The following ADTRP variants were observed in gnomAD, a reference collection of about 807,000 sequenced individuals.
ADTRP encodes androgen-dependent TFPI-regulating protein.
In ADTRP, 20 loss-of-function variants were observed where a neutral mutation model predicts 27.0. The ratio of observed to expected loss-of-function variants is 0.74; its 90% confidence interval spans 0.52 to 1.08. The LOEUF is 1.08. Among genes scored for constraint, ADTRP ranks in the 50% least tolerant of loss-of-function variants. ADTRP has a pLI of 0.00. For synonymous variants in ADTRP, 101 were observed against 105.2 expected (o/e 0.96, Z 0.25); for missense variants, 251 against 275.0 (o/e 0.91, Z 0.62).
intron 4 of ADTRP, among the ~76,000 whole-genome samples, chr6:11,732,461 T>C (rs567055248): frequency 3.0e-4 from 45 of 152,318 alleles, no homozygotes; most frequent in African/African-American, 1.0e-3. Flanking sequence ...TTCATGGCCA[T>C]CTGTGGCTGT....
intron 3 of ADTRP, among the ~76,000 whole-genome samples, chr6:11,743,004 C>A (rs1029287245): frequency 1.3e-5 from 2 of 152,120 alleles, no homozygotes; most frequent in Admixed American, 6.5e-5. Context: ...AATGTTGAAC[C>A]CTTTTATTGC....
At chr6:11,755,139 A>T in intron 3 of ADTRP, 1 of 893,568 alleles carries the variant, frequency 1.1e-6, no homozygotes, top group Non-Finnish European at 1.3e-6. Context: ...GGGACTCACC[A>T]GCAAGCCCTC....
At chr6:11,737,618 A>G (rs760790) in intron 3 of ADTRP, among the ~76,000 whole-genome samples, 10,463 of 152,184 alleles carry the variant, frequency 0.069, 433 homozygotes, top group Middle Eastern at 0.13. Context: ...GCAGGGTGAG[A>G]AGGACCAAGC....
intron 3 of ADTRP, among the ~76,000 whole-genome samples, chr6:11,752,782 G>C (rs1047111772): frequency 2.0e-5 from 3 of 152,150 alleles, no homozygotes; most frequent in Non-Finnish European, 2.9e-5. Flanking sequence ...GCCTCTCATT[G>C]GCTGACTGTT....
At chr6:11,778,000 G>C (rs1764013570) in intron 1 of ADTRP, among the ~76,000 whole-genome samples, 1 of 152,208 alleles carries the variant, frequency 6.6e-6, no homozygotes, top group Non-Finnish European at 1.5e-5. Context: ...AGGTTAGGAA[G>C]ACAAGAAAGG....
At chr6:11,777,296 G>C (rs1028578967) in intron 1 of ADTRP, among the ~76,000 whole-genome samples, 1 of 152,032 alleles carries the variant, frequency 6.6e-6, no homozygotes, top group Admixed American at 6.6e-5. Context: ...GCTAGTTAAT[G>C]AGTGTGGTGA....
At chr6:11,767,576 ATC>A (rs1311339257) in intron 2 of ADTRP, 1 of 152,242 alleles carries the variant, frequency 6.6e-6, no homozygotes, top group Non-Finnish European at 1.5e-5. Flanking sequence ...AGCATGCCTG[ATC>A]TCTGTTTATT....
intron 3 of ADTRP, among the ~76,000 whole-genome samples, chr6:11,761,242 C>T (rs4140558): frequency 0.35 from 53,802 of 152,026 alleles, 10,327 homozygotes; most frequent in East Asian, 0.7. Context: ...TTAAACCTGC[C>T]TTTTTTACAC....
chr6:11,764,558 A>G (rs181664968), intron 3 of ADTRP, among the ~76,000 whole-genome samples: 127 of 149,678 alleles, frequency 8.5e-4, no homozygotes, highest in Non-Finnish European at 1.7e-3. Context: ...TTTTTTTTTT[A>G]AGTAAGAATT....
intron 3 of ADTRP, among the ~76,000 whole-genome samples, chr6:11,750,315 G>T (rs1763004175): frequency 6.6e-6 from 1 of 152,218 alleles, no homozygotes; most frequent in African/African-American, 2.4e-5. Flanking sequence ...ATAGGACTTG[G>T]ATTTCACCTC....
intron 3 of ADTRP, among the ~76,000 whole-genome samples, chr6:11,743,742 C>T (rs2235412): frequency 0.13 from 19,780 of 152,148 alleles, 1,731 homozygotes; most frequent in East Asian, 0.48. Flanking sequence ...CATTAATGAA[C>T]GAATCAATGA....
intron 3 of ADTRP, among the ~76,000 whole-genome samples, chr6:11,748,702 A>C (rs576226300): frequency 6.6e-6 from 1 of 152,222 alleles, no homozygotes; most frequent in African/African-American, 2.4e-5. Flanking sequence ...ACCACGTCCA[A>C]GATGTGTTCT....
At chr6:11,754,198 G>A (rs1314817112) in intron 3 of ADTRP, among the ~76,000 whole-genome samples, 2 of 152,190 alleles carry the variant, frequency 1.3e-5, no homozygotes, top group Non-Finnish European at 2.9e-5. Flanking sequence ...TAACATGCAT[G>A]AGCTTCCTAG....
intron 3 of ADTRP, among the ~76,000 whole-genome samples, chr6:11,745,862 C>A (rs1413685983): frequency 2.0e-5 from 3 of 152,130 alleles, no homozygotes; most frequent in Admixed American, 6.5e-5. Flanking sequence ...ATGATCTCGG[C>A]TCACTGCAAC....
At chr6:11,716,719 C>CTT (rs1554110530) in intron 5 of ADTRP, among the ~76,000 whole-genome samples, 52 of 125,428 alleles carry the variant, frequency 4.1e-4, no homozygotes, top group South Asian at 1.9e-3. Context: ...TTTTCTTTTT[C>CTT]TTTTTTTTTT....
chr6:11,747,087 G>T (rs1406686312), intron 3 of ADTRP, among the ~76,000 whole-genome samples: 1 of 152,226 alleles, frequency 6.6e-6, no homozygotes, highest in African/African-American at 2.4e-5. Flanking sequence ...CCACACTCCT[G>T]AGAACGCAAG....
Position 11,714,218 on chromosome 6 carries a change from C to G in ADTRP, c.*260G>C. The G allele has an allele frequency of 2.2e-6, 1 of 449,582 alleles. No individual in the cohort carries two copies. Among genetic ancestry groups the G allele is most frequent in the Non-Finnish European group, 4.0e-6 (1 of 251,372 alleles). 27.8% of individuals were successfully genotyped at this position (449,582 alleles called of 1,614,324 possible). On this transcript the variant is annotated 3_prime_UTR_variant, in exon 6 of 6. Coordinates refer to ENST00000414691, the MANE Select transcript of ADTRP (RefSeq NM_032744.4). The stretch of plus-strand genomic sequence containing the variant: ...TCTTTGGCCAGATTTTAACCAGAGA[C>G]CATCCTCCACGAAGGTCAAAGATAA...
chr6:11,762,795 C>T (rs1471425430), intron 3 of ADTRP, among the ~76,000 whole-genome samples: 1 of 152,188 alleles, frequency 6.6e-6, no homozygotes, highest in East Asian at 1.9e-4. Context: ...ATCTATTTCA[C>T]CTCTCCTTTG....
At chr6:11,765,079 T>A (rs547080408) in intron 3 of ADTRP, among the ~76,000 whole-genome samples, 12 of 136,630 alleles carry the variant, frequency 8.8e-5, no homozygotes, top group African/African-American at 3.1e-4. Context: ...AGAGCTGTGG[T>A]CTATTAGTCA....
Sources: allele counts gnomAD v4.1 joint callset (sites outside exome capture counted in the v4.1 genomes callset), GRCh38; gene constraint gnomAD v4.1.1; transcripts MANE v1.5; gene names NCBI Gene and HGNC (gene_info 2026-07-23, HGNC 2026-07-21).